The following PCDHA9 variants were observed in gnomAD, a reference collection of about 807,000 sequenced individuals.
The protein encoded by PCDHA9 is protocadherin alpha 9.
Under a neutral mutation model 62.0 loss-of-function variants are expected in PCDHA9, and 62 were observed. That is an observed-to-expected ratio of 1.00 (90% CI 0.81 to 1.23). PCDHA9 has a LOEUF of 1.23. Among genes scored for constraint, PCDHA9 ranks in the 50% most tolerant of loss-of-function variants. The pLI, the probability that PCDHA9 is intolerant of heterozygous loss-of-function variation, is 0.00. For missense variants in PCDHA9, 1,205 were observed against 1,249.8 expected, an observed-to-expected ratio of 0.96 and a Z score of 0.54; for synonymous variants, 557 against 567.6, an observed-to-expected ratio of 0.98 and a Z score of 0.27.
intron 1 of PCDHA9, chr5:140,884,559 C>A (rs782174598): frequency 6.2e-7 from 1 of 1,614,094 alleles, no homozygotes; most frequent in South Asian, 1.1e-5. Flanking sequence ...GGGGAGGGCC[C>A]GCATAAGACG....
chr5:140,999,751 G>A (rs1167424188), intron 3 of PCDHA9, among the ~76,000 whole-genome samples: 1 of 152,150 alleles, frequency 6.6e-6, no homozygotes, highest in Non-Finnish European at 1.5e-5. Flanking sequence ...TGGGTTCGCA[G>A]CACATGATGT....
intron 1 of PCDHA9, chr5:140,871,061 A>G (rs2052667671): frequency 6.2e-7 from 1 of 1,613,082 alleles, no homozygotes; most frequent in African/African-American, 1.3e-5. Flanking sequence ...GTGAAGGATC[A>G]CGGTGAGCCG....
chr5:140,906,878 C>T (rs557095374), intron 1 of PCDHA9, among the ~76,000 whole-genome samples: 1 of 152,332 alleles, frequency 6.6e-6, no homozygotes, highest in East Asian at 1.9e-4. Context: ...AACACTGTAA[C>T]TTCCTTCTTA....
chr5:140,876,716 G>C lies in PCDHA9; in HGVS notation c.2394+25827G>C, dbSNP rs374218090. On this transcript the variant is annotated intron_variant, in intron 1 of 3. Coordinates refer to ENST00000532602, the MANE Select transcript of PCDHA9 (RefSeq NM_031857.2). ...TTGGTGCTGGACAGCGCCCTGGACC[G>C]CGAGAGCGTGTCGGCCTATGAGCTG... 135 of 1,614,132 alleles carry C rather than the reference G, an allele frequency of 8.4e-5. No homozygotes were observed. In the Middle Eastern group the frequency reaches 2.5e-3, roughly 29 times the overall value.
rs1164447924 is a variant in PCDHA9, at chr5:141,009,514, AT to A, written c.2543-108del. The A allele has an allele frequency of 1.5e-5, 22 of 1,501,204 alleles. 1 individual carries two copies. The South Asian group carries it at 1.9e-4, about 13-fold the overall frequency. 93.0% of individuals were successfully genotyped at this position (1,501,204 alleles called of 1,614,324 possible). ...CTCAGACTTGAACAAACAACTCGTG[AT>A]TTTTCTGGGGAGGTTCAGCCTGCCT... On this transcript the variant is annotated intron_variant, in intron 3 of 3. Coordinates refer to ENST00000532602, the MANE Select transcript of PCDHA9 (RefSeq NM_031857.2).
chr5:140,916,367 C>G (rs1400347792), intron 1 of PCDHA9, among the ~76,000 whole-genome samples: 1 of 152,196 alleles, frequency 6.6e-6, no homozygotes, highest in Non-Finnish European at 1.5e-5. Flanking sequence ...GAGTCTTTCA[C>G]TGTAGCCACC....
At chr5:140,855,984 A>G in intron 1 of PCDHA9, 1 of 1,472,240 alleles carries the variant, frequency 6.8e-7, no homozygotes, top group East Asian at 2.3e-5. Flanking sequence ...AGGACAGAAA[A>G]TGTCAGATCG....
intron 1 of PCDHA9, chr5:140,927,498 G>A (rs782816586): frequency 3.1e-6 from 5 of 1,614,138 alleles, no homozygotes; most frequent in Middle Eastern, 1.6e-4. Context: ...ACCTGCTGGT[G>A]CTTACAGCTC....
chr5:140,868,238 C>T (rs1413759486), intron 1 of PCDHA9: 6 of 151,984 alleles, frequency 3.9e-5, no homozygotes, highest in African/African-American at 7.2e-5. Flanking sequence ...TCATCTAGAT[C>T]AATAGACTTT....
intron 1 of PCDHA9, chr5:140,871,248 G>C (rs782440984): frequency 7.2e-5 from 117 of 1,613,852 alleles, no homozygotes; most frequent in Non-Finnish European, 9.5e-5. Context: ...TCACGCTGCT[G>C]CTGTATACGG....
chr5:140,920,116 C>A (rs376109883), intron 1 of PCDHA9, among the ~76,000 whole-genome samples: 72 of 152,304 alleles, frequency 4.7e-4, no homozygotes, highest in African/African-American at 1.6e-3. Context: ...ACCTTGCCAA[C>A]ATCTTGAGTT....
At chr5:140,989,319 A>G (rs1291622013) in intron 3 of PCDHA9, among the ~76,000 whole-genome samples, 1 of 152,138 alleles carries the variant, frequency 6.6e-6, no homozygotes, top group Admixed American at 6.5e-5. Context: ...GGGTCTCACC[A>G]ACTTTGCCAC....
intron 1 of PCDHA9, among the ~76,000 whole-genome samples, chr5:140,901,849 A>AT (rs1167488433): frequency 2.0e-5 from 3 of 151,932 alleles, no homozygotes; most frequent in Non-Finnish European, 4.4e-5. Context: ...ATATCTTTCC[A>AT]TTTTTTTGTG....
rs1781483118 is a variant in PCDHA9, at chr5:140,848,383, C to G, written c.-113C>G. 1 of 1,197,254 alleles carries G rather than the reference C, an allele frequency of 8.4e-7. No homozygotes were observed. Among genetic ancestry groups the G allele is most frequent in the African/African-American group, 1.5e-5 (1 of 66,014 alleles). 74.2% of individuals were successfully genotyped at this position (1,197,254 alleles called of 1,614,324 possible). On this transcript the variant is annotated 5_prime_UTR_variant, in exon 1 of 4. Coordinates refer to ENST00000532602, the MANE Select transcript of PCDHA9 (RefSeq NM_031857.2). ...GGGAAAGAGGCTCAATTCTTTTTCA[C>G]TCTCTCTGTGCTGAACGATGGCGAA... is the stretch of plus-strand genomic sequence containing the variant.
intron 1 of PCDHA9, among the ~76,000 whole-genome samples, chr5:140,901,807 C>T (rs1227752610): frequency 6.6e-6 from 1 of 152,116 alleles, no homozygotes; most frequent in Non-Finnish European, 1.5e-5. Context: ...AACATTTTTA[C>T]AATATTGATT....
chr5:141,010,938 A>G lies in PCDHA9; in HGVS notation c.*1001A>G, dbSNP rs1210392691. ...TCAAAAGAGAATTCAGTCTACAGCC[A>G]TTTAAATGATCATTGCTGCTACAGA... On this transcript the variant is annotated 3_prime_UTR_variant, in exon 4 of 4. Coordinates refer to ENST00000532602, the MANE Select transcript of PCDHA9 (RefSeq NM_031857.2). 6 of 153,824 alleles carry G rather than the reference A, an allele frequency of 3.9e-5. No homozygotes were observed. Among genetic ancestry groups the G allele is most frequent in the African/African-American group, 1.4e-4 (6 of 41,470 alleles). The allele number at this position is 153,824 out of a possible 1,614,324, so 9.5% of individuals were successfully genotyped here. A position where few individuals can be genotyped will look rare whatever the true frequency, so the allele number is the denominator to read the frequency against.
intron 1 of PCDHA9, chr5:140,929,422 T>C: frequency 1.3e-6 from 2 of 1,500,730 alleles, no homozygotes; most frequent in Non-Finnish European, 1.8e-6. Context: ...CAACATTTCA[T>C]CAATTGAACT....
chr5:140,958,492 A>G (rs2095426229), intron 1 of PCDHA9, among the ~76,000 whole-genome samples: 1 of 152,112 alleles, frequency 6.6e-6, no homozygotes, highest in Non-Finnish European at 1.5e-5. Context: ...AAGTCCACAT[A>G]TCCTAGGAGG....
At chr5:140,967,710 G>A (rs868978149) in intron 1 of PCDHA9, 1 of 1,614,182 alleles carries the variant, frequency 6.2e-7, no homozygotes, top group Non-Finnish European at 8.5e-7. Flanking sequence ...GCCAGTACCG[G>A]GGAAGTGCGA....
Sources: gnomAD v4.1 joint callset for allele counts (sites outside exome capture counted in the v4.1 genomes callset) on GRCh38, gnomAD v4.1.1 for gene constraint, MANE v1.5 for transcripts, NCBI Gene and HGNC (gene_info 2026-07-23, HGNC 2026-07-21) for gene names.